Variants in AEBP2 observed in about 807,000 individuals in gnomAD.
AEBP2 encodes the protein AE binding protein 2, also known as zinc finger protein AEBP2.
AEBP2 carries 10 observed loss-of-function variants against 50.8 expected under a neutral mutation model. That is an observed-to-expected ratio of 0.20 (90% CI 0.12 to 0.33). The LOEUF (loss-of-function observed/expected upper bound fraction) is 0.33. AEBP2 is among the 10% of genes least tolerant of loss of function. The pLI, the probability that AEBP2 is intolerant of heterozygous loss-of-function variation, is 1.00. For synonymous variants in AEBP2, 296 were observed against 261.3 expected (o/e 1.13, Z -1.28); for missense variants, 570 against 688.0 (o/e 0.83, Z 1.92).
chr12:19,510,497 C>A (rs1949218050), intron 5 of AEBP2, among the ~76,000 whole-genome samples: 1 of 152,182 alleles, frequency 6.6e-6, no homozygotes, highest in Admixed American at 6.5e-5. Flanking sequence ...TTTTATTTGA[C>A]TTAACTGAGA....
At chr12:19,479,867 C>T (rs1948702502) in intron 3 of AEBP2, among the ~76,000 whole-genome samples, 1 of 150,852 alleles carries the variant, frequency 6.6e-6, no homozygotes, top group African/African-American at 2.4e-5. Flanking sequence ...TTATTTGAGT[C>T]CTTATGTGTT....
intron 1 of AEBP2, among the ~76,000 whole-genome samples, chr12:19,431,027 A>C (rs1011878554): frequency 1.3e-5 from 2 of 151,416 alleles, no homozygotes; most frequent in African/African-American, 4.8e-5. Context: ...AAAAAAAAGA[A>C]AAAAATTATT....
At chr12:19,478,479 A>G (rs1948682832) in intron 3 of AEBP2, among the ~76,000 whole-genome samples, 1 of 151,964 alleles carries the variant, frequency 6.6e-6, no homozygotes, top group African/African-American at 2.4e-5. Flanking sequence ...GTATTTTTAC[A>G]GGGTTTCACC....
chr12:19,489,343 G>C (rs1308889645), intron 3 of AEBP2, among the ~76,000 whole-genome samples: 2 of 152,072 alleles, frequency 1.3e-5, no homozygotes, highest in African/African-American at 4.8e-5. Flanking sequence ...AGGGGAACCT[G>C]CCATTTTTAA....
chr12:19,435,959 G>T (rs57210699), upstream of AEBP2, among the ~76,000 whole-genome samples: 4,220 of 152,222 alleles, frequency 0.028, 63 homozygotes, highest in East Asian at 0.046. Flanking sequence ...GACTCGCATC[G>T]TGAATACGGG....
At chr12:19,467,301 A>C (rs1565717481) in intron 2 of AEBP2, among the ~76,000 whole-genome samples, 2 of 152,044 alleles carry the variant, frequency 1.3e-5, no homozygotes, top group South Asian at 2.1e-4. Flanking sequence ...ACCTATCTCT[A>C]GTGTTAAGTA....
chr12:19,500,279 A>G (rs916104725), intron 5 of AEBP2, 58 bp downstream of exon 5: 3 of 1,340,936 alleles, frequency 2.2e-6, no homozygotes, highest in Non-Finnish European at 3.0e-6. Context: ...AAATATTTCC[A>G]CAATCATTTC....
intron 3 of AEBP2, among the ~76,000 whole-genome samples, chr12:19,473,922 A>G (rs567004008): frequency 1.3e-5 from 2 of 152,218 alleles, no homozygotes; most frequent in South Asian, 2.1e-4. Context: ...GAAAATAGCT[A>G]GTGGGTAGAC....
intron 2 of AEBP2, among the ~76,000 whole-genome samples, chr12:19,469,511 A>C (rs193180772): frequency 6.6e-6 from 1 of 152,338 alleles, no homozygotes; most frequent in East Asian, 1.9e-4. Context: ...TCAGTTTAGC[A>C]GTGGCATGAT....
intron 3 of AEBP2, among the ~76,000 whole-genome samples, chr12:19,485,522 C>T (rs1948793986): frequency 6.6e-6 from 1 of 151,770 alleles, no homozygotes; most frequent in African/African-American, 2.4e-5. Context: ...GCCTGGGCAA[C>T]ATGACGAAAC....
Position 19,501,797 on chromosome 12 carries a change from G to GTT in AEBP2, c.1299+1595_1299+1596dup, listed in dbSNP as rs754195220. 1.9e-3 allele frequency among the ~76,000 whole-genome samples: 134 copies of GTT among 70,876 alleles called. 7 individuals carry two copies. The highest frequency in any genetic ancestry group is 4.4e-3 in the African/African-American group (90 of 20,292). The allele number at this position is 70,876 out of a possible 152,430, so 46.5% of individuals were successfully genotyped here. On this transcript the variant is annotated intron_variant, in intron 5 of 7. Transcript: ENST00000266508. Reference sequence around the variant, plus strand: ...CGTCGTCTCCTATAAAAATGAGTTTGTTTTTTTTTTTTTTTTTTTTGCATT... The same window carrying GTT: ...CGTCGTCTCCTATAAAAATGAGTTTGTTTTTTTTTTTTTTTTTTTTTTGCATT...
chr12:19,411,136 G>T (rs1023686002), intron 1 of AEBP2, among the ~76,000 whole-genome samples: 2 of 152,102 alleles, frequency 1.3e-5, no homozygotes, highest in Non-Finnish European at 2.9e-5. Flanking sequence ...TAAAGAAAAG[G>T]CAAAGCTATT....
upstream of AEBP2, among the ~76,000 whole-genome samples, chr12:19,436,833 C>G (rs1253563278): frequency 6.6e-6 from 1 of 152,120 alleles, no homozygotes; most frequent in Non-Finnish European, 1.5e-5. Context: ...CTCCTGGGCT[C>G]AAGTGATCCC....
chr12:19,464,418 C>T (rs1948434589), intron 2 of AEBP2, among the ~76,000 whole-genome samples: 2 of 152,046 alleles, frequency 1.3e-5, no homozygotes, highest in Non-Finnish European at 2.9e-5. Context: ...GATCACTGGG[C>T]TTCTCTTAGT....
intron 7 of AEBP2, among the ~76,000 whole-genome samples, 189 bp from the exon 8 acceptor site, chr12:19,517,898 C>G (rs1949343300): frequency 2.0e-5 from 3 of 152,178 alleles, no homozygotes. Flanking sequence ...ACATTTAAAA[C>G]TTTTATTAAA....
At chr12:19,428,520 A>G (rs773972785) in intron 1 of AEBP2, among the ~76,000 whole-genome samples, 20 of 152,244 alleles carry the variant, frequency 1.3e-4, no homozygotes, top group African/African-American at 4.8e-4. Flanking sequence ...CTGCAAAAAC[A>G]GAAACAAAAG....
At chr12:19,416,741 A>G (rs2095742821) in intron 1 of AEBP2, among the ~76,000 whole-genome samples, 1 of 151,062 alleles carries the variant, frequency 6.6e-6, no homozygotes, top group South Asian at 2.1e-4. Context: ...CTCCGGGTTC[A>G]GGATTTCTCC....
chr12:19,435,900 G>C (rs1384774234), upstream of AEBP2, among the ~76,000 whole-genome samples: 2 of 152,150 alleles, frequency 1.3e-5, no homozygotes, highest in African/African-American at 4.8e-5. Flanking sequence ...CCCAAAGTAT[G>C]GTGCTTTGGC....
chr12:19,459,201 G>A lies in AEBP2; in HGVS notation c.672-3309G>A, dbSNP rs547461897. 1.0e-3 allele frequency among the ~76,000 whole-genome samples: 152 copies of A among 152,244 alleles called. 1 individual carries two copies. The highest frequency in any genetic ancestry group is 3.4e-3 in the African/African-American group (143 of 41,542). On this transcript the variant is annotated intron_variant, in intron 1 of 7. Transcript: ENST00000266508. ...ATAGGGAAAATAGGTAACCATTTCA[G>A]GGTTAAGGGCCTCATGAAACTTGAA...
Sources: gnomAD v4.1 joint callset for allele counts (sites outside exome capture counted in the v4.1 genomes callset) on GRCh38, gnomAD v4.1.1 for gene constraint, MANE v1.5 for transcripts, NCBI Gene and HGNC (gene_info 2026-07-23, HGNC 2026-07-21) for gene names.